SNX29: variants seen among roughly 807,000 people sequenced by gnomAD.
SNX29 encodes the protein sorting nexin-29.
In SNX29, 78 loss-of-function variants were observed where a neutral mutation model predicts 102.1. That is an observed-to-expected ratio of 0.76 (90% CI 0.64 to 0.92). SNX29 has a LOEUF of 0.92. Ranked by LOEUF, SNX29 falls within the 40% of genes least tolerant of loss-of-function variation. The probability of loss-of-function intolerance (pLI) is 0.00; values close to 1 mark genes in which losing one functional copy is unlikely to be tolerated. For synonymous variants in SNX29, 580 were observed against 414.5 expected (o/e 1.40, Z -4.85); for missense variants, 1,280 against 1,061.7 (o/e 1.21, Z -2.86).
intron 3 of SNX29, among the ~76,000 whole-genome samples, chr16:12,008,724 G>A: frequency 6.7e-6 from 1 of 149,204 alleles, no homozygotes; most frequent in East Asian, 2.0e-4. Flanking sequence ...TACATTAATT[G>A]TATTTAGTTT....
Position 12,570,925 on chromosome 16 carries a change from C to T in SNX29, c.*2296C>T, listed in dbSNP as rs1335287790. On this transcript the variant is annotated 3_prime_UTR_variant, in exon 21 of 21. Coordinates refer to ENST00000566228, the MANE Select transcript of SNX29 (RefSeq NM_032167.5). ...CCTGGTCTGCTCTCCAAAATGAGAG[C>T]ATGTTCCTGGGAGCCACATGGGGAC... is the stretch of plus-strand genomic sequence containing the variant. 5 of 228,238 alleles carry T rather than the reference C, an allele frequency of 2.2e-5. No homozygotes were observed. Among genetic ancestry groups the T allele is most frequent in the Admixed American group, 5.7e-5 (1 of 17,528 alleles). 14.1% of individuals were successfully genotyped at this position (228,238 alleles called of 1,614,324 possible). A position where few individuals can be genotyped will look rare whatever the true frequency, so the allele number is the denominator to read the frequency against.
intron 18 of SNX29, among the ~76,000 whole-genome samples, chr16:12,408,896 A>T (rs1017474101): frequency 2.0e-5 from 3 of 152,190 alleles, no homozygotes; most frequent in African/African-American, 7.2e-5. Context: ...AGCCCCCACT[A>T]CTTCTATTGT....
intron 18 of SNX29, chr16:12,443,142 C>A: frequency 2.4e-6 from 1 of 411,794 alleles, no homozygotes; most frequent in Non-Finnish European, 4.8e-6. Context: ...TCCTGCCGGG[C>A]CTAGGGCCTG....
chr16:11,989,397 T>C (rs1319107505), intron 1 of SNX29, among the ~76,000 whole-genome samples: 1 of 152,208 alleles, frequency 6.6e-6, no homozygotes, highest in African/African-American at 2.4e-5. Flanking sequence ...TCTCTTTCCA[T>C]TGTGTGCTGG....
intron 14 of SNX29, among the ~76,000 whole-genome samples, chr16:12,269,137 G>GT (rs1367577610): frequency 6.6e-6 from 1 of 152,200 alleles, no homozygotes; most frequent in African/African-American, 2.4e-5. Flanking sequence ...AAGGCTTCTT[G>GT]TTTTTGCCAA....
intron 19 of SNX29, among the ~76,000 whole-genome samples, chr16:12,519,939 G>A (rs1248462840): frequency 6.6e-6 from 1 of 152,022 alleles, no homozygotes; most frequent in Non-Finnish European, 1.5e-5. Flanking sequence ...ACCAGGGATT[G>A]CACCACTGCA....
In SNX29 at chr16:12,552,288, C is replaced by G. The variant is rs566180170; in HGVS notation, c.2319-16218C>G. On this transcript the variant is annotated intron_variant, in intron 20 of 20. Coordinates refer to ENST00000566228, the MANE Select transcript of SNX29 (RefSeq NM_032167.5). ...AAGCCCTGGCCAGTTAACTTCTGTGCCTCAGTTTCCTCTTCTAGAAGAGGT... is the reference window on the plus strand; with the variant it reads ...AAGCCCTGGCCAGTTAACTTCTGTGGCTCAGTTTCCTCTTCTAGAAGAGGT... 3.3e-5 allele frequency among the ~76,000 whole-genome samples: 5 copies of G among 152,280 alleles called. 1 individual carries two copies. In the South Asian group the frequency reaches 1.0e-3, roughly 32 times the overall value.
chr16:12,259,053 C>T (rs1265021197), intron 14 of SNX29, among the ~76,000 whole-genome samples: 1 of 152,144 alleles, frequency 6.6e-6, no homozygotes, highest in African/African-American at 2.4e-5. Flanking sequence ...TCCCCAGATT[C>T]CCCCTCCTCT....
At chr16:11,987,919 C>G (rs1050142560) in intron 1 of SNX29, among the ~76,000 whole-genome samples, 18 of 152,170 alleles carry the variant, frequency 1.2e-4, no homozygotes, top group African/African-American at 4.3e-4. Flanking sequence ...CTTTTCAGAA[C>G]TTACTGCACC....
chr16:12,265,387 C>T (rs1596682510), intron 14 of SNX29, among the ~76,000 whole-genome samples: 1 of 152,140 alleles, frequency 6.6e-6, no homozygotes, highest in East Asian at 1.9e-4. Context: ...ATGCAACAGC[C>T]ATTCCCAGCT....
intron 4 of SNX29, among the ~76,000 whole-genome samples, chr16:12,028,643 T>C (rs2057257172): frequency 6.6e-6 from 1 of 152,112 alleles, no homozygotes; most frequent in Non-Finnish European, 1.5e-5. Context: ...GGATTACAAA[T>C]GTGAGACACT....
At chr16:12,297,787 G>C (rs1369668699) in intron 15 of SNX29, among the ~76,000 whole-genome samples, 1 of 152,136 alleles carries the variant, frequency 6.6e-6, no homozygotes, top group African/African-American at 2.4e-5. Flanking sequence ...TGGCTTCCAC[G>C]TCTGGCTCCA....
chr16:12,313,586 G>T (rs1228236184), intron 15 of SNX29, among the ~76,000 whole-genome samples: 1 of 152,146 alleles, frequency 6.6e-6, no homozygotes, highest in Non-Finnish European at 1.5e-5. Context: ...TCTATCCCTT[G>T]CAGCATCGTC....
At chr16:12,346,353 C>G (rs576270101) in intron 15 of SNX29, among the ~76,000 whole-genome samples, 2 of 152,128 alleles carry the variant, frequency 1.3e-5, no homozygotes, top group Non-Finnish European at 2.9e-5. Flanking sequence ...TTACGTAACC[C>G]TAAGTAAAGC....
Position 12,572,429 on chromosome 16 carries a change from G to A in SNX29, c.*3800G>A, listed in dbSNP as rs981845495. 2.0e-4 allele frequency: 210 copies of A among 1,063,058 alleles called. No homozygotes were observed. The highest frequency in any genetic ancestry group is 2.3e-4 in the Non-Finnish European group (201 of 877,890). The allele number at this position is 1,063,058 out of a possible 1,614,324, so 65.9% of individuals were successfully genotyped here. On this transcript the variant is annotated 3_prime_UTR_variant, in exon 21 of 21. Transcript: ENST00000566228. ...GGCTCTGTGGCCCAGGCCGGCAGTG[G>A]CTGCCTCTCTTGGTTCTGCATGGTA...
At chr16:12,015,360 C>T (rs996245548) in intron 3 of SNX29, among the ~76,000 whole-genome samples, 12 of 151,982 alleles carry the variant, frequency 7.9e-5, no homozygotes, top group East Asian at 3.9e-4. Flanking sequence ...CCTGCCTCAG[C>T]GTCCGGAGTA....
chr16:12,341,272 A>G (rs2151257498), intron 15 of SNX29, among the ~76,000 whole-genome samples: 1 of 152,368 alleles, frequency 6.6e-6, no homozygotes, highest in Middle Eastern at 3.4e-3. Flanking sequence ...TGTGATTTGT[A>G]TGACCTTGAA....
At position 12,213,333 on chromosome 16, in the gene SNX29, G is replaced by C. The variant is rs2077237482; in HGVS notation, c.1678+13650G>C. 3.3e-5 allele frequency among the ~76,000 whole-genome samples: 5 copies of C among 152,146 alleles called. No homozygotes were observed. The South Asian group carries it at 1.0e-3, about 32-fold the overall frequency. Reference sequence around the variant, plus strand: ...AAGGGACATTAGAAACTCTGAGCAGGAGGGGAGGCGAGGGATGAAAAACTA... The same window carrying C: ...AAGGGACATTAGAAACTCTGAGCAGCAGGGGAGGCGAGGGATGAAAAACTA... On this transcript the variant is annotated intron_variant, in intron 14 of 20. Coordinates refer to ENST00000566228, the MANE Select transcript of SNX29 (RefSeq NM_032167.5).
chr16:12,522,653 C>T (rs916258516), intron 19 of SNX29, among the ~76,000 whole-genome samples: 11 of 152,112 alleles, frequency 7.2e-5, no homozygotes, highest in African/African-American at 2.2e-4. Context: ...CCTCCTGCTC[C>T]GGCCACGTAA....
Sources: gnomAD v4.1 joint callset for allele counts (sites outside exome capture counted in the v4.1 genomes callset) on GRCh38, gnomAD v4.1.1 for gene constraint, MANE v1.5 for transcripts, NCBI Gene and HGNC (gene_info 2026-07-23, HGNC 2026-07-21) for gene names.